Variants in ZFAND6 observed in about 807,000 individuals in gnomAD.
The protein encoded by ZFAND6 is zinc finger AN1-type containing 6, also known as AN1-type zinc finger protein 6.
ZFAND6 carries 12 observed loss-of-function variants against 24.5 expected under a neutral mutation model. That is an observed-to-expected ratio of 0.49 (90% CI 0.31 to 0.79). ZFAND6 has a LOEUF of 0.79. Ranked by LOEUF, ZFAND6 falls within the 30% of genes least tolerant of loss-of-function variation. ZFAND6 has a pLI of 0.04. For synonymous variants in ZFAND6, 92 were observed against 81.5 expected (o/e 1.13, Z -0.69); for missense variants, 207 against 245.9 (o/e 0.84, Z 1.06).
intron 1 of ZFAND6, among the ~76,000 whole-genome samples, chr15:80,066,434 T>A (rs1441436662): frequency 6.6e-6 from 1 of 151,674 alleles, no homozygotes; most frequent in Non-Finnish European, 1.5e-5. Context: ...TGCCTCAGCC[T>A]CCTGAGTAGC....
intron 2 of ZFAND6, among the ~76,000 whole-genome samples, chr15:80,102,661 G>A (rs2039098348): frequency 6.6e-6 from 1 of 152,140 alleles, no homozygotes; most frequent in Non-Finnish European, 1.5e-5. Context: ...TTCAGTTAGT[G>A]GTTTTATTGT....
At chr15:80,102,203 G>C (rs558532840) in intron 2 of ZFAND6, among the ~76,000 whole-genome samples, 1 of 152,048 alleles carries the variant, frequency 6.6e-6, no homozygotes, top group Non-Finnish European at 1.5e-5. Flanking sequence ...AGGCTGGAGT[G>C]CAGTGGCATG....
chr15:80,076,609 C>T (rs536269319), intron 1 of ZFAND6, among the ~76,000 whole-genome samples: 2 of 152,142 alleles, frequency 1.3e-5, no homozygotes, highest in African/African-American at 4.8e-5. Context: ...ATGGTCCCCA[C>T]GCTAAGTACT....
intron 2 of ZFAND6, chr15:80,114,900 A>T (rs2039799119): frequency 6.6e-6 from 1 of 152,238 alleles, no homozygotes; most frequent in Admixed American, 6.5e-5. Flanking sequence ...AATGGAATTT[A>T]AAAGGTATAC....
rs532510435 is a variant in ZFAND6 at position 80,115,489 on chromosome 15, T to A, written c.-17-4839T>A. On this transcript the variant is annotated intron_variant, in intron 2 of 6. Coordinates refer to ENST00000261749, the MANE Select transcript of ZFAND6 (RefSeq NM_019006.4). ...CCCTTTTCCTCCCTGATCATTTGAA[T>A]GCCAGACTGATTGCCCCAAAAAGGT... Among the ~76,000 whole-genome samples the A allele has an allele frequency of 2.0e-5, 3 of 152,324 alleles. No homozygotes were observed. In the East Asian group the frequency reaches 5.8e-4, roughly 29 times the overall value.
chr15:80,075,375 A>G, intron 1 of ZFAND6: 1 of 193,944 alleles, frequency 5.2e-6, no homozygotes, highest in Non-Finnish European at 1.1e-5. Context: ...GGGTACCCCA[A>G]GGTAAAGAAG....
chr15:80,123,682 C>G (rs941065588), intron 5 of ZFAND6, among the ~76,000 whole-genome samples: 3 of 152,132 alleles, frequency 2.0e-5, no homozygotes, highest in African/African-American at 7.2e-5. Context: ...GCAGGAGGAT[C>G]GCTTGAGTCT....
At chr15:80,097,650 T>A (rs1039942701) in intron 1 of ZFAND6, among the ~76,000 whole-genome samples, 1 of 97,092 alleles carries the variant, frequency 1.0e-5, no homozygotes, top group Admixed American at 1.2e-4. Context: ...CGAAACTGTC[T>A]CAAATAAATA....
At chr15:80,076,101 C>T (rs942554722) in intron 1 of ZFAND6, among the ~76,000 whole-genome samples, 1 of 152,136 alleles carries the variant, frequency 6.6e-6, no homozygotes, top group South Asian at 2.1e-4. Context: ...AAGTTCGTAG[C>T]ATTTTGTTCT....
intron 2 of ZFAND6, among the ~76,000 whole-genome samples, chr15:80,110,774 A>G (rs2039566962): frequency 6.6e-6 from 1 of 152,204 alleles, no homozygotes; most frequent in Non-Finnish European, 1.5e-5. Context: ...GGTTAATTAG[A>G]TATCCATATG....
In ZFAND6 at chr15:80,122,083, T is replaced by G. The variant is rs370796861; in HGVS notation, c.263+263T>G. On this transcript the variant is annotated intron_variant, in intron 4 of 6. Transcript: ENST00000261749. Reference sequence around the variant, plus strand: ...ATCCTGACCTACTCCTGAAGTCCTTTGGAAGCATGTTAAGTGAAATGTTAG... The same window carrying G: ...ATCCTGACCTACTCCTGAAGTCCTTGGGAAGCATGTTAAGTGAAATGTTAG... Among the ~76,000 whole-genome samples, 3 of 152,272 alleles carry G rather than the reference T, an allele frequency of 2.0e-5. No individual in the cohort carries two copies. The South Asian group carries it at 6.2e-4, about 32-fold the overall frequency.
chr15:80,100,866 C>T (rs1301591063), intron 2 of ZFAND6, among the ~76,000 whole-genome samples: 3 of 152,182 alleles, frequency 2.0e-5, no homozygotes, highest in Admixed American at 1.3e-4. Flanking sequence ...CTTCTAACAT[C>T]TCTGTGATAC....
intron 1 of ZFAND6, among the ~76,000 whole-genome samples, chr15:80,078,516 C>T (rs2037427948): frequency 6.6e-6 from 1 of 152,204 alleles, no homozygotes; most frequent in Non-Finnish European, 1.5e-5. Context: ...CTGTGATGAA[C>T]ATAAACGAGT....
chr15:80,091,989 A>G (rs1446369146), intron 1 of ZFAND6, among the ~76,000 whole-genome samples: 1 of 152,176 alleles, frequency 6.6e-6, no homozygotes, highest in East Asian at 1.9e-4. Flanking sequence ...AATAGCTGAT[A>G]ACATTCTTGA....
chr15:80,095,619 T>C (rs1044412039), intron 1 of ZFAND6, among the ~76,000 whole-genome samples: 18 of 152,178 alleles, frequency 1.2e-4, no homozygotes, highest in African/African-American at 3.9e-4. Flanking sequence ...CGGGTTTAGG[T>C]ATTTAATTGT....
rs906386508 is a variant in ZFAND6, at chr15:80,137,562, C to T, written c.561C>T (p.Ala187=). The part of the protein sequence containing the change: ...DVHNCSYNYK[A]DAAEKIRKEN... ...ACAATTGCTCTTACAATTACAAAGC[C>T]GATGCTGCTGAGAAAATCAGAAAAG... Residue 187 remains alanine, a synonymous_variant, in exon 7 of 7, where the codon GCC becomes GCT. Coordinates refer to ENST00000261749, the MANE Select transcript of ZFAND6 (RefSeq NM_019006.4). 1.6e-5 allele frequency: 25 copies of T among 1,604,258 alleles called. No individual in the cohort carries two copies. Among genetic ancestry groups the T allele is most frequent in the African/African-American group, 2.7e-5 (2 of 74,218 alleles).
At chr15:80,078,498 G>A (rs1161001157) in intron 1 of ZFAND6, among the ~76,000 whole-genome samples, 1 of 152,196 alleles carries the variant, frequency 6.6e-6, no homozygotes, top group Admixed American at 6.5e-5. Flanking sequence ...TTGCTCTTGT[G>A]AATAGTGCTG....
chr15:80,086,224 G>A (rs562017741), intron 1 of ZFAND6, among the ~76,000 whole-genome samples: 1 of 152,238 alleles, frequency 6.6e-6, no homozygotes, highest in South Asian at 2.1e-4. Context: ...TTTTAGTAGA[G>A]ATGGGATTTC....
Position 80,137,777 on chromosome 15 carries a change from ACT to A in ZFAND6, c.*152_*153del, listed in dbSNP as rs540327354. 1.3e-4 allele frequency: 98 copies of A among 763,676 alleles called. No individual in the cohort carries two copies. The East Asian group carries it at 2.5e-3, about 20-fold the overall frequency. 47.3% of individuals were successfully genotyped at this position (763,676 alleles called of 1,614,324 possible). ...TTGTTTTGGTTTTGTTTTGAAAATG[ACT>A]CTGAACATTTATTTCCATTGCAATT... On this transcript the variant is annotated 3_prime_UTR_variant, in exon 7 of 7. Coordinates refer to ENST00000261749, the MANE Select transcript of ZFAND6 (RefSeq NM_019006.4).
Sources: allele counts gnomAD v4.1 joint callset (sites outside exome capture counted in the v4.1 genomes callset), GRCh38; gene constraint gnomAD v4.1.1; transcripts MANE v1.5; gene names NCBI Gene and HGNC (gene_info 2026-07-23, HGNC 2026-07-21).